Variants in FZD3 observed in about 807,000 individuals in gnomAD.
FZD3 encodes the protein frizzled-3.
In FZD3, 30 loss-of-function variants were observed where a neutral mutation model predicts 60.7. The ratio of observed to expected loss-of-function variants is 0.49; its 90% CI spans 0.37 to 0.67. The LOEUF (loss-of-function observed/expected upper bound fraction) is 0.67. FZD3 is among the 30% of genes least tolerant of loss of function. The probability of loss-of-function intolerance (pLI) is 0.00; values close to 1 mark genes in which losing one functional copy is unlikely to be tolerated. For synonymous variants in FZD3, 246 were observed against 275.2 expected, an observed-to-expected ratio of 0.89 and a Z score of 1.05; for missense variants, 605 against 838.7, an observed-to-expected ratio of 0.72 and a Z score of 3.44.
In FZD3 at chr8:28,571,425, A is replaced by C. The variant is rs1805805280; in HGVS notation, c.*8414A>C. On this transcript the variant is annotated 3_prime_UTR_variant, in exon 8 of 8. Coordinates refer to ENST00000240093, the MANE Select transcript of FZD3 (RefSeq NM_017412.4). ...GTGAATGTATACTTAAAAATACTCTATTTTCTTTTTATATGAACTTAAAAT... is the reference window on the plus strand; with the variant it reads ...GTGAATGTATACTTAAAAATACTCTCTTTTCTTTTTATATGAACTTAAAAT... 6.6e-6 allele frequency: 1 copy of C among 152,032 alleles called. No homozygotes were observed. The allele number at this position is 152,032 out of a possible 1,614,324, so 9.4% of individuals were successfully genotyped here.
intron 3 of FZD3, among the ~76,000 whole-genome samples, chr8:28,518,007 G>A (rs913444011): frequency 1.8e-4 from 27 of 152,044 alleles, no homozygotes; most frequent in African/African-American, 6.0e-4. Flanking sequence ...CCTCTTTTCT[G>A]CTTAGCACAT....
chr8:28,535,869 TAC>T (rs1427293764), intron 5 of FZD3, among the ~76,000 whole-genome samples: 8 of 152,210 alleles, frequency 5.3e-5, no homozygotes, highest in Non-Finnish European at 1.0e-4. Flanking sequence ...CTGTGAAAGT[TAC>T]AGTTTTCAAA....
intron 4 of FZD3, among the ~76,000 whole-genome samples, chr8:28,521,910 G>GT (rs1804590527): frequency 6.6e-6 from 1 of 151,876 alleles, no homozygotes; most frequent in African/African-American, 2.4e-5. Context: ...AAATAATTTT[G>GT]TTTGTTATCT....
In FZD3 at chr8:28,564,484, A is replaced by T. The variant is rs1449730589; in HGVS notation, c.*1473A>T. ...AAAAAAAGCGCTCCAGGTGATTCTA[A>T]TCTGCAGCCTGGCTTGAAACTCACT... On this transcript the variant is annotated 3_prime_UTR_variant, in exon 8 of 8. Coordinates refer to ENST00000240093, the MANE Select transcript of FZD3 (RefSeq NM_017412.4). 6.7e-6 allele frequency: 1 copy of T among 148,784 alleles called. No individual in the cohort carries two copies. Among genetic ancestry groups the T allele is most frequent in the African/African-American group, 2.5e-5 (1 of 40,406 alleles). The allele number at this position is 148,784 out of a possible 1,614,324, so 9.2% of individuals were successfully genotyped here. A position where few individuals can be genotyped will look rare whatever the true frequency, so the allele number is the denominator to read the frequency against.
At chr8:28,518,094 T>A (rs1251072695) in intron 3 of FZD3, among the ~76,000 whole-genome samples, 1 of 152,144 alleles carries the variant, frequency 6.6e-6, no homozygotes, top group African/African-American at 2.4e-5. Flanking sequence ...CTGAATGTAG[T>A]GATGTGATCA....
chr8:28,516,287 T>G (rs1484906093), intron 3 of FZD3, among the ~76,000 whole-genome samples: 1 of 152,202 alleles, frequency 6.6e-6, no homozygotes, highest in Non-Finnish European at 1.5e-5. Flanking sequence ...TACACACTTT[T>G]GATTCCTATA....
intron 5 of FZD3, among the ~76,000 whole-genome samples, chr8:28,542,091 C>CTTTTTT (rs61301257): frequency 7.5e-6 from 1 of 133,568 alleles, no homozygotes; most frequent in Non-Finnish European, 1.6e-5. Context: ...GAATGAAATC[C>CTTTTTT]TTTTTTTTTT....
intron 3 of FZD3, among the ~76,000 whole-genome samples, chr8:28,517,118 A>G (rs900775579): frequency 2.6e-5 from 4 of 152,126 alleles, no homozygotes; most frequent in Non-Finnish European, 4.4e-5. Context: ...AGAACTTTCA[A>G]GCATTTCTTT....
intron 5 of FZD3, among the ~76,000 whole-genome samples, chr8:28,545,549 C>G (rs1438947282): frequency 2.0e-5 from 3 of 152,142 alleles, no homozygotes; most frequent in African/African-American, 7.2e-5. Context: ...TCCAGCCATC[C>G]TAGCTGATAT....
intron 1 of FZD3, among the ~76,000 whole-genome samples, chr8:28,498,257 G>A (rs763844193): frequency 1.3e-4 from 20 of 151,846 alleles, no homozygotes; most frequent in African/African-American, 2.4e-4. Flanking sequence ...TGCTCACTCC[G>A]ATTATGTTAA....
chr8:28,498,946 A>G (rs1803918524), intron 1 of FZD3, among the ~76,000 whole-genome samples: 2 of 152,196 alleles, frequency 1.3e-5, no homozygotes, highest in African/African-American at 2.4e-5. Context: ...AGTATTGAAA[A>G]TCAGATTTTG....
At chr8:28,552,748 A>G (rs1805436621) in intron 6 of FZD3, among the ~76,000 whole-genome samples, 1 of 152,206 alleles carries the variant, frequency 6.6e-6, no homozygotes, top group Non-Finnish European at 1.5e-5. Context: ...ACCAGTAATT[A>G]ACAATTTCTG....
At chr8:28,526,532 T>C (rs1416599732) in intron 4 of FZD3, among the ~76,000 whole-genome samples, 2 of 152,230 alleles carry the variant, frequency 1.3e-5, no homozygotes, top group Admixed American at 6.5e-5. Context: ...TAAGTATGTG[T>C]CTCCTTCTGG....
At position 28,502,944 on chromosome 8, in the gene FZD3, A is replaced by G; in HGVS notation, c.-70A>G. 2 of 945,728 alleles carry G rather than the reference A, an allele frequency of 2.1e-6. No individual in the cohort carries two copies. Among genetic ancestry groups the G allele is most frequent in the Non-Finnish European group, 3.2e-6 (2 of 615,502 alleles). The allele number at this position is 945,728 out of a possible 1,614,324, so 58.6% of individuals were successfully genotyped here. On this transcript the variant is annotated 5_prime_UTR_variant, in exon 3 of 8. Coordinates refer to ENST00000240093, the MANE Select transcript of FZD3 (RefSeq NM_017412.4). ...GAAGTACCTTCGAGCTGAGACCTGC[A>G]GGTGTATAAATATCTAAAATACATA...
chr8:28,494,935 C>T (rs557951709), intron 1 of FZD3, among the ~76,000 whole-genome samples: 1 of 152,176 alleles, frequency 6.6e-6, no homozygotes, highest in Non-Finnish European at 1.5e-5. Context: ...CCCCTCCCGT[C>T]CATCAGTTTG....
chr8:28,507,845 G>A (rs868132112), intron 3 of FZD3, among the ~76,000 whole-genome samples: 9 of 151,138 alleles, frequency 6.0e-5, no homozygotes, highest in African/African-American at 2.2e-4. Context: ...GATTATTGAG[G>A]CTCAAAATAT....
intron 3 of FZD3, among the ~76,000 whole-genome samples, chr8:28,517,010 T>C (rs1361986570): frequency 6.6e-6 from 1 of 152,214 alleles, no homozygotes; most frequent in African/African-American, 2.4e-5. Context: ...TTATTTTTGT[T>C]GGCACAGAGT....
intron 5 of FZD3, among the ~76,000 whole-genome samples, chr8:28,530,089 C>CTGTGTGTGTGTGTG (rs59022036): frequency 1.0e-4 from 14 of 138,594 alleles, no homozygotes; most frequent in South Asian, 2.4e-4. Flanking sequence ...TGAAATATAT[C>CTGTGTGTGTGTGTG]TGTGTGTGTG....
Position 28,550,437 on chromosome 8 carries a change from G to GTT in FZD3, c.1405-1154_1405-1153dup, listed in dbSNP as rs1554539571. 5.9e-3 allele frequency among the ~76,000 whole-genome samples: 473 copies of GTT among 79,570 alleles called. 11 individuals are homozygous for GTT. Among genetic ancestry groups the GTT allele is most frequent in the African/African-American group, 0.019 (454 of 23,516 alleles). The allele number at this position is 79,570 out of a possible 152,430, so 52.2% of individuals were successfully genotyped here. A position where few individuals can be genotyped will look rare whatever the true frequency, so the allele number is the denominator to read the frequency against. Reference sequence around the variant, plus strand: ...CCAACTTTGGGTTATTAGTTCTGCTGTTTTTTTTTTTTTGTCTTACAAATA... The same window carrying GTT: ...CCAACTTTGGGTTATTAGTTCTGCTGTTTTTTTTTTTTTTTGTCTTACAAATA... On this transcript the variant is annotated intron_variant, in intron 5 of 7. Transcript: ENST00000240093.
Sources: gnomAD v4.1 joint callset for allele counts (sites outside exome capture counted in the v4.1 genomes callset) on GRCh38, gnomAD v4.1.1 for gene constraint, MANE v1.5 for transcripts, NCBI Gene and HGNC (gene_info 2026-07-23, HGNC 2026-07-21) for gene names.